SH3BP2: variants seen among roughly 807,000 people sequenced by gnomAD.
The protein encoded by SH3BP2 is SH3 domain-binding protein 2.
A neutral mutation model predicts 56.2 loss-of-function variants in SH3BP2; 38 were observed. The ratio of observed to expected loss-of-function variants is 0.68; its 90% CI spans 0.52 to 0.89. The LOEUF is 0.89. Among genes scored for constraint, SH3BP2 ranks in the 40% least tolerant of loss-of-function variants. SH3BP2 has a pLI of 0.00. For synonymous variants in SH3BP2, 346 were observed against 316.7 expected, an observed-to-expected ratio of 1.09 and a Z score of -0.98; for missense variants, 748 against 762.6, an observed-to-expected ratio of 0.98 and a Z score of 0.23.
chr4:2,832,084 A>G (rs1725019642), intron 10 of SH3BP2, 106 bp downstream of exon 10: 1 of 1,244,590 alleles, frequency 8.0e-7, no homozygotes, highest in African/African-American at 1.5e-5. Flanking sequence ...GCACAAGTTC[A>G]TGGCCCTGCG....
At chr4:2,827,081 A>C (rs770641083) in intron 5 of SH3BP2, 149 bp from the exon 6 acceptor site, 56 of 712,738 alleles carry the variant, frequency 7.9e-5, no homozygotes, top group Admixed American at 1.6e-4. Context: ...CAGCTTAACC[A>C]TGTGTGCATG....
chr4:2,813,782 T>C (rs74480469), intron 1 of SH3BP2, among the ~76,000 whole-genome samples: 362 of 152,294 alleles, frequency 2.4e-3, no homozygotes, highest in Middle Eastern at 0.01. Flanking sequence ...TGCATGAGTG[T>C]GTATGAGAAC....
intron 3 of SH3BP2, among the ~76,000 whole-genome samples, 167 bp downstream of exon 3, chr4:2,823,204 G>A (rs912067259): frequency 2.0e-5 from 3 of 152,160 alleles, no homozygotes; most frequent in African/African-American, 4.8e-5. Context: ...ACAGTGCCTC[G>A]CCCTCTCCGC....
At chr4:2,803,245 C>G (rs148954783) in intron 1 of SH3BP2, among the ~76,000 whole-genome samples, 9 of 152,344 alleles carry the variant, frequency 5.9e-5, no homozygotes, top group African/African-American at 2.2e-4. Context: ...GCCGTTGGCT[C>G]TGGGTGGGAG....
chr4:2,814,790 C>T (rs965384877), intron 1 of SH3BP2: 6 of 152,276 alleles, frequency 3.9e-5, no homozygotes, highest in African/African-American at 1.2e-4. Context: ...GAACCCAGAT[C>T]TTCAGCACTC....
rs570800067 is a variant in SH3BP2, at chr4:2,802,816, G to T, written c.-5+9678G>T. Among the ~76,000 whole-genome samples the T allele has an allele frequency of 3.3e-5, 5 of 152,272 alleles. No individual in the cohort carries two copies. In the South Asian group the frequency reaches 1.0e-3, roughly 32 times the overall value. On this transcript the variant is annotated intron_variant, in intron 1 of 12. Transcript: ENST00000503393. ...CTGAAATGAGTGGACAGAGGGAAGG[G>T]ACCCTGTTGTGCTGACTCAGCCTTG...
rs397878760 is a variant in SH3BP2, at chr4:2,838,641, A to ATTTTTTTTTTTTTTT, written c.*4818_*4819insTTTTTTTTTTTTTTT. On this transcript the variant is annotated 3_prime_UTR_variant, in exon 13 of 13. Coordinates refer to ENST00000503393, the MANE Select transcript of SH3BP2 (RefSeq NM_001122681.2). ...AACATTATAAAGATTTTTGTTTGCG[A>ATTTTTTTTTTTTTTT]TTTTTTTTTTTAGCTCATCAGCTAT... 1 of 148,866 alleles carries ATTTTTTTTTTTTTTT rather than the reference A, an allele frequency of 6.7e-6. No homozygotes were observed. Among genetic ancestry groups the ATTTTTTTTTTTTTTT allele is most frequent in the African/African-American group, 2.5e-5 (1 of 40,052 alleles). 9.2% of individuals were successfully genotyped at this position (148,866 alleles called of 1,614,324 possible). A position where few individuals can be genotyped will look rare whatever the true frequency, so the allele number is the denominator to read the frequency against.
chr4:2,833,579 G>C (rs948207544), intron 12 of SH3BP2, 118 bp from the exon 13 acceptor site: 3 of 1,374,458 alleles, frequency 2.2e-6, no homozygotes, highest in Admixed American at 3.9e-5. Context: ...ACAGCCAGGG[G>C]CCAGCCTGGT....
chr4:2,814,036 C>A (rs1176321770), intron 1 of SH3BP2, among the ~76,000 whole-genome samples: 1 of 152,202 alleles, frequency 6.6e-6, no homozygotes, highest in Non-Finnish European at 1.5e-5. Context: ...ACCCTGTGGT[C>A]ACATGAGGTG....
intron 1 of SH3BP2, among the ~76,000 whole-genome samples, chr4:2,814,324 G>T (rs144228644): frequency 6.6e-6 from 1 of 152,140 alleles, no homozygotes; most frequent in Non-Finnish European, 1.5e-5. Flanking sequence ...CCGATGGGGT[G>T]TCTCTGTGGG....
Position 2,833,915 on chromosome 4 carries a change from G to A in SH3BP2, c.*81G>A, listed in dbSNP as rs1725140307. 50 of 1,460,980 alleles carry A rather than the reference G, an allele frequency of 3.4e-5. No homozygotes were observed. The highest frequency in any genetic ancestry group is 4.5e-5 in the Non-Finnish European group (49 of 1,092,728). The allele number at this position is 1,460,980 out of a possible 1,614,324, so 90.5% of individuals were successfully genotyped here. A position where few individuals can be genotyped will look rare whatever the true frequency, so the allele number is the denominator to read the frequency against. ...CACACAGACGGACATGGGCCCACAT[G>A]GGAGGGTGAGCAGGAGCAAGGCTGT... On this transcript the variant is annotated 3_prime_UTR_variant, in exon 13 of 13. Transcript: ENST00000503393.
intron 1 of SH3BP2, among the ~76,000 whole-genome samples, chr4:2,814,266 A>G (rs1174437089): frequency 4.6e-5 from 7 of 152,220 alleles, no homozygotes; most frequent in Non-Finnish European, 8.8e-5. Flanking sequence ...CACAGGGCTC[A>G]TGGGGCCCCA....
At chr4:2,826,895 G>C (rs1219737188) in intron 5 of SH3BP2, 1 of 529,414 alleles carries the variant, frequency 1.9e-6, no homozygotes, top group East Asian at 4.7e-5. Context: ...GCGTGTCCCT[G>C]TGTCTTTGTG....
chr4:2,817,989 C>G (rs147593146), intron 1 of SH3BP2: 2 of 153,354 alleles, frequency 1.3e-5, no homozygotes, highest in Non-Finnish European at 2.9e-5. Context: ...TCGTTTGCAT[C>G]GAAGGCTTCT....
chr4:2,816,312 A>G (rs985996580), intron 1 of SH3BP2, among the ~76,000 whole-genome samples: 1 of 152,230 alleles, frequency 6.6e-6, no homozygotes, highest in Non-Finnish European at 1.5e-5. Flanking sequence ...AAGTGCTGGG[A>G]TTACAGGCGT....
intron 1 of SH3BP2, among the ~76,000 whole-genome samples, chr4:2,802,862 C>A (rs1365339790): frequency 6.6e-6 from 1 of 152,190 alleles, no homozygotes; most frequent in Non-Finnish European, 1.5e-5. Flanking sequence ...GCCTGTGGCA[C>A]CCGCTGACAG....
chr4:2,817,183 A>G (rs1479769923), intron 1 of SH3BP2, among the ~76,000 whole-genome samples: 1 of 152,242 alleles, frequency 6.6e-6, no homozygotes, highest in African/African-American at 2.4e-5. Context: ...CCAGGTTGGC[A>G]TGAGGAGGCC....
intron 1 of SH3BP2, among the ~76,000 whole-genome samples, chr4:2,820,402 A>C (rs1448819015): frequency 6.6e-6 from 1 of 152,082 alleles, no homozygotes; most frequent in East Asian, 1.9e-4. Context: ...GGCTGAGTGG[A>C]CCAGGGGCTG....
intron 1 of SH3BP2, chr4:2,796,530 G>C (rs1380759303): frequency 4.3e-6 from 4 of 927,070 alleles, no homozygotes; most frequent in Non-Finnish European, 5.1e-6. Flanking sequence ...TTGTCAGCTG[G>C]CCTCTGGGAA....
Sources: gnomAD v4.1 joint callset for allele counts (sites outside exome capture counted in the v4.1 genomes callset) on GRCh38, gnomAD v4.1.1 for gene constraint, MANE v1.5 for transcripts, NCBI Gene and HGNC (gene_info 2026-07-23, HGNC 2026-07-21) for gene names.